The following STAG2 variants were observed in gnomAD, a reference collection of about 807,000 sequenced individuals.
The protein encoded by STAG2 is STAG2 cohesin complex component.
STAG2 carries 14 observed loss-of-function variants against 108.1 expected under a neutral mutation model. That is an observed-to-expected ratio of 0.13 (90% CI 0.09 to 0.20). STAG2 has a LOEUF of 0.20. Ranked by LOEUF, STAG2 falls within the 10% of genes least tolerant of loss-of-function variation. The pLI is 1.00. For synonymous variants in STAG2, 307 were observed against 302.7 expected, an observed-to-expected ratio of 1.01 and a Z score of -0.15; for missense variants, 440 against 940.9, an observed-to-expected ratio of 0.47 and a Z score of 6.96.
At position 123,966,033 on chromosome X, in the gene STAG2, T is replaced by C. The variant is rs779829760; in HGVS notation, c.-163+4177T>C. Among the ~76,000 whole-genome samples, 13 of 110,998 alleles carry C rather than the reference T, an allele frequency of 1.2e-4. No individual in the cohort carries two copies. In the South Asian group the frequency reaches 2.6e-3, roughly 23 times the overall value. ...TAAAAATAAACTAAAATGTACAGTT[T>C]ACTATATAATGGAGTACCGTTTTGG... On this transcript the variant is annotated intron_variant, in intron 1 of 34. Coordinates refer to ENST00000371145, the MANE Select transcript of STAG2 (RefSeq NM_001042750.2).
At chrX:124,061,691 G>A (rs936445266) in intron 16 of STAG2, 80 bp from the exon 17 acceptor site, 30 of 698,929 alleles carry the variant, frequency 4.3e-5, no homozygotes, top group Middle Eastern at 7.6e-4. Flanking sequence ...AAACTGTTAT[G>A]TAATAATTAC....
chrX:124,039,381 G>A (rs919399754), intron 6 of STAG2, among the ~76,000 whole-genome samples: 10 of 109,110 alleles, frequency 9.2e-5, no homozygotes, highest in African/African-American at 3.3e-4. Flanking sequence ...TGCCCAGGCC[G>A]CAAGTGATCC....
At chrX:124,034,245 T>C (rs1217746866) in intron 5 of STAG2, among the ~76,000 whole-genome samples, 2 of 111,885 alleles carry the variant, frequency 1.8e-5, no homozygotes, top group Non-Finnish European at 3.8e-5. Flanking sequence ...TTGCTCAGGC[T>C]GGACTTGAAC....
chrX:123,994,896 G>T, intron 1 of STAG2, among the ~76,000 whole-genome samples: 1 of 112,286 alleles, frequency 8.9e-6, no homozygotes, highest in Middle Eastern at 4.6e-3. Flanking sequence ...ATTTGCTGTA[G>T]AAACCATGTT....
At chrX:124,049,576 C>T (rs1392186058) in intron 10 of STAG2, among the ~76,000 whole-genome samples, 1 of 112,121 alleles carries the variant, frequency 8.9e-6, no homozygotes, top group African/African-American at 3.2e-5. Context: ...CTCAACTTGG[C>T]AGTTACTGAA....
intron 23 of STAG2, among the ~76,000 whole-genome samples, 178 bp downstream of exon 23, chrX:124,066,614 T>C (rs1405743057): frequency 2.1e-5 from 2 of 95,430 alleles, no homozygotes; most frequent in Non-Finnish European, 4.3e-5. Flanking sequence ...TGTTTCAAGG[T>C]ATGATTTTTA....
intron 25 of STAG2, among the ~76,000 whole-genome samples, chrX:124,073,973 A>G (rs184770294): frequency 8.9e-6 from 1 of 112,318 alleles, no homozygotes; most frequent in African/African-American, 3.2e-5. Context: ...TTGCATTTCA[A>G]TTTTATTTTA....
intron 1 of STAG2, among the ~76,000 whole-genome samples, chrX:124,000,116 C>T (rs908527760): frequency 1.8e-5 from 2 of 109,792 alleles, no homozygotes; most frequent in African/African-American, 6.6e-5. Context: ...CAACGATGGA[C>T]CACGTACAGC....
chrX:123,988,808 G>T lies in STAG2; in HGVS notation c.-163+26952G>T, dbSNP rs1316637284. ...AAAAGAAGCTTGTTAAAAAGAATTT[G>T]CCTGGGTAAATGGTACTATAGTCTT... On this transcript the variant is annotated intron_variant, in intron 1 of 34. Transcript: ENST00000371145. 3.6e-5 allele frequency among the ~76,000 whole-genome samples: 4 copies of T among 111,141 alleles called. No individual in the cohort carries two copies. In the Admixed American group the frequency reaches 3.9e-4, roughly 11 times the overall value.
At chrX:124,014,321 T>C (rs1366836935) in intron 1 of STAG2, among the ~76,000 whole-genome samples, 1 of 111,874 alleles carries the variant, frequency 8.9e-6, no homozygotes, top group Non-Finnish European at 1.9e-5. Flanking sequence ...TAGAAAGGCC[T>C]TTTACTTTGG....
At chrX:124,010,512 T>TA (rs2056487563) in intron 1 of STAG2, among the ~76,000 whole-genome samples, 1 of 111,705 alleles carries the variant, frequency 9.0e-6, no homozygotes, top group East Asian at 2.8e-4. Flanking sequence ...ACATTTTGTT[T>TA]ATCCATATCT....
In STAG2 at chrX:124,100,629, C is replaced by T. The variant is rs1351122695; in HGVS notation, c.*32C>T. ...TACACAATTAAATCTGTGGTGAAGTCATTTTCTAAGTGGAAGAGGAAATTT... is the reference window on the plus strand; with the variant it reads ...TACACAATTAAATCTGTGGTGAAGTTATTTTCTAAGTGGAAGAGGAAATTT... On this transcript the variant is annotated 3_prime_UTR_variant, in exon 35 of 35. Transcript: ENST00000371145. The T allele has an allele frequency of 8.8e-7, 1 of 1,139,266 alleles. No individual in the cohort carries two copies. The highest frequency in any genetic ancestry group is 1.2e-6 in the Non-Finnish European group (1 of 833,454). 93.9% of individuals were successfully genotyped at this position (1,139,266 alleles called of 1,213,427 possible).
chrX:124,008,845 G>A (rs1569501539), intron 1 of STAG2, among the ~76,000 whole-genome samples: 1 of 111,637 alleles, frequency 9.0e-6, no homozygotes, highest in Admixed American at 9.5e-5. Flanking sequence ...GTGTTGCTAC[G>A]TTATTTGGCA....
intron 28 of STAG2, 42 bp downstream of exon 28, chrX:124,081,570 C>G: frequency 9.6e-7 from 1 of 1,039,238 alleles, no homozygotes; most frequent in Non-Finnish European, 1.3e-6. Flanking sequence ...ATTTTTTAGT[C>G]ATGAAACTTT....
chrX:124,042,340 A>G (rs917500444), intron 6 of STAG2, among the ~76,000 whole-genome samples: 1 of 112,033 alleles, frequency 8.9e-6, no homozygotes, highest in Non-Finnish European at 1.9e-5. Context: ...GAAAAAAGAT[A>G]TCTGTCAGAA....
intron 1 of STAG2, among the ~76,000 whole-genome samples, chrX:123,993,942 T>C (rs1318335159): frequency 8.9e-6 from 1 of 111,875 alleles, no homozygotes; most frequent in African/African-American, 3.2e-5. Flanking sequence ...GAGTTACTGC[T>C]CCTCTTTAGG....
chrX:123,970,219 C>T (rs2054296743), intron 1 of STAG2, among the ~76,000 whole-genome samples: 2 of 109,842 alleles, frequency 1.8e-5, no homozygotes, highest in Admixed American at 2.0e-4. Context: ...GGAGTCTTTT[C>T]ATCCATATTT....
At chrX:123,961,966 A>C (rs1463910031) in intron 1 of STAG2, 110 bp downstream of exon 1, 1 of 112,339 alleles carries the variant, frequency 8.9e-6, no homozygotes, top group Non-Finnish European at 1.9e-5. Flanking sequence ...GCATGGGCGG[A>C]GGGGGGAAGG....
intron 34 of STAG2, among the ~76,000 whole-genome samples, chrX:124,097,167 G>C (rs1161504407): frequency 1.4e-5 from 1 of 72,804 alleles, no homozygotes; most frequent in Non-Finnish European, 2.4e-5. Flanking sequence ...TGACAGAGCC[G>C]AGACCCTGTC....
Sources: allele counts gnomAD v4.1 joint callset (sites outside exome capture counted in the v4.1 genomes callset), GRCh38; gene constraint gnomAD v4.1.1; transcripts MANE v1.5; gene names NCBI Gene and HGNC (gene_info 2026-07-23, HGNC 2026-07-21).